CD320: variants seen among roughly 807,000 people sequenced by gnomAD.
CD320 encodes the protein CD320 antigen.
A neutral mutation model predicts 22.1 loss-of-function variants in CD320; 16 were observed. The ratio of observed to expected loss-of-function variants is 0.73; its 90% CI spans 0.49 to 1.10. CD320 has a LOEUF of 1.10. Ranked by LOEUF, CD320 falls within the 50% of genes least tolerant of loss-of-function variation. CD320 has a pLI of 0.00. For missense variants in CD320, 388 were observed against 376.9 expected (o/e 1.03, Z -0.24); for synonymous variants, 188 against 167.8 (o/e 1.12, Z -0.93).
chr19:8,305,196 C>T lies in CD320; in HGVS notation c.143-40G>A, dbSNP rs2232779. Reference sequence around the variant, plus strand: ...CAAATGAAGCCTGGGAAGCTGGAGGCTGGACCTTTCTCCAAGAGCACAGTA... The same window carrying T: ...CAAATGAAGCCTGGGAAGCTGGAGGTTGGACCTTTCTCCAAGAGCACAGTA... On this transcript the variant is annotated intron_variant, in intron 1 of 4. Transcript: ENST00000301458. 18,871 of 1,556,228 alleles carry T rather than the reference C, an allele frequency of 0.012. 1,398 individuals carry two copies. In the South Asian group the frequency reaches 0.15, roughly 13 times the overall value.
chr19:8,307,496 G>C (rs1204071584), intron 1 of CD320, among the ~76,000 whole-genome samples: 2 of 152,230 alleles, frequency 1.3e-5, no homozygotes, highest in African/African-American at 4.8e-5. Flanking sequence ...GAGTGCACAG[G>C]GAGGCCACTC....
chr19:8,304,959 G>A (rs940697420), intron 2 of CD320, 72 bp downstream of exon 2: 15 of 1,562,796 alleles, frequency 9.6e-6, no homozygotes, highest in African/African-American at 5.4e-5. Flanking sequence ...CCACCTCCGC[G>A]TGCCTGGCCC....
Position 8,302,871 on chromosome 19 carries a change from G to C in CD320, c.612C>G (p.Thr204=), listed in dbSNP as rs1199443694. The change falls in exon 4 of 5, where the codon ACC becomes ACG. Residue 204 remains threonine, a synonymous_variant. Transcript: ENST00000301458. ...RNATTMGPPV[T]LESVPSVGNA... is the part of the protein sequence containing the mutation. ...TCCCGACAGAGGGGACACTCTCCAG[G>C]GTCACAGGGGGCCCCATGGTTGTGG... 1 of 1,613,844 alleles carries C rather than the reference G, an allele frequency of 6.2e-7. No individual in the cohort carries two copies. Among genetic ancestry groups the C allele is most frequent in the Non-Finnish European group, 8.5e-7 (1 of 1,179,932 alleles).
chr19:8,306,118 C>A (rs988959074), intron 1 of CD320, among the ~76,000 whole-genome samples: 5 of 152,148 alleles, frequency 3.3e-5, no homozygotes, highest in Admixed American at 3.3e-4. Context: ...AGAGACTTGC[C>A]TTTCCCTCTC....
chr19:8,305,212 G>C, intron 1 of CD320, 56 bp from the exon 2 acceptor site: 1 of 1,546,084 alleles, frequency 6.5e-7, no homozygotes, highest in Non-Finnish European at 8.7e-7. Context: ...CTTTCTCCAA[G>C]AGCACAGTAG....
chr19:8,307,978 C>T (rs939868623), intron 1 of CD320, among the ~76,000 whole-genome samples, 171 bp downstream of exon 1: 1 of 152,226 alleles, frequency 6.6e-6, no homozygotes, highest in African/African-American at 2.4e-5. Flanking sequence ...AGCATGGGGT[C>T]TTCCTAGCAC....
chr19:8,307,755 A>G (rs1970114489), intron 1 of CD320, among the ~76,000 whole-genome samples: 1 of 152,032 alleles, frequency 6.6e-6, no homozygotes. Context: ...GAGGGTTTGG[A>G]AGGCAAAGGT....
At chr19:8,308,115 G>C (rs763269417) in intron 1 of CD320, 34 bp downstream of exon 1, 2 of 1,449,912 alleles carry the variant, frequency 1.4e-6, no homozygotes, top group Non-Finnish European at 1.8e-6. Context: ...AGCCTCGCGA[G>C]GGGTGGGAGC....
Position 8,302,600 on chromosome 19 carries a change from G to A in CD320, c.712C>T (p.Leu238Phe). ...GTGGCGGTGACCAGGCTTGCACTGAGCACCGCTGTGGGGAACAGATGGACA... is the reference window on the plus strand; with the variant it reads ...GTGGCGGTGACCAGGCTTGCACTGAACACCGCTGTGGGGAACAGATGGACA... ...AYGVIAAAAV[L>F]SASLVTATLL... The change falls in exon 5 of 5, where the codon CTC (leucine) becomes TTC (phenylalanine). Residue 238 changes from leucine (L) to phenylalanine (F), a missense_variant. By Grantham distance (22) the Leu-to-Phe change is conservative (BLOSUM62 0). Transcript: ENST00000301458. The A allele has an allele frequency of 6.2e-7, 1 of 1,613,606 alleles. No homozygotes were observed. Among genetic ancestry groups the A allele is most frequent in the South Asian group, 1.1e-5 (1 of 91,078 alleles).
In CD320 at chr19:8,304,027, G is replaced by A; in HGVS notation, c.330C>T (p.Cys110=). ...CPPPPGLPCP[C]TGVSDCSGGT... is the part of the protein sequence containing the mutation. ...CCCCAGAGCAGTCACTGACGCCGGT[G>A]CAGGGGCAGGGGAGGCCAGGGGGCG... Residue 110 remains cysteine, a synonymous_variant, in exon 3 of 5, where the codon TGC becomes TGT. Transcript: ENST00000301458. The A allele has an allele frequency of 6.4e-7, 1 of 1,563,644 alleles. No individual in the cohort carries two copies. Among genetic ancestry groups the A allele is most frequent in the Non-Finnish European group, 8.7e-7 (1 of 1,153,516 alleles).
intron 1 of CD320, 148 bp downstream of exon 1, chr19:8,308,001 T>C (rs1442895491): frequency 5.9e-6 from 5 of 854,188 alleles, no homozygotes; most frequent in Non-Finnish European, 8.4e-6. Context: ...GTGCGCGCCT[T>C]CCCACAAGCG....
chr19:8,305,015 G>A lies in CD320; in HGVS notation c.268+16C>T. On this transcript the variant is annotated intron_variant, in intron 2 of 4. Transcript: ENST00000301458. ...CCCGCCCCCTGTAAGCCCCGCCAAG[G>A]GGCGTGGCCACTCACTGCACTCCTC... The A allele has an allele frequency of 1.2e-6, 2 of 1,603,038 alleles. No individual in the cohort carries two copies. Among genetic ancestry groups the A allele is most frequent in the Non-Finnish European group, 1.7e-6 (2 of 1,179,458 alleles).
intron 2 of CD320, 53 bp from the exon 3 acceptor site, chr19:8,304,141 A>G: frequency 1.1e-6 from 1 of 910,320 alleles, no homozygotes; most frequent in African/African-American, 1.6e-5. Context: ...AGGCCCAGGT[A>G]CTCCCTGAAA....
At position 8,302,243 on chromosome 19, in the gene CD320, G is replaced by C; in HGVS notation, c.*220C>G. On this transcript the variant is annotated 3_prime_UTR_variant, in exon 5 of 5. Coordinates refer to ENST00000301458, the MANE Select transcript of CD320 (RefSeq NM_016579.4). ...GGGCCAGCCCCTCAGTTCTGGCTGT[G>C]GCAGGTTCCCCATCCTAGCTCCCCG... is the stretch of plus-strand genomic sequence containing the variant. 1.4e-6 allele frequency: 1 copy of C among 701,458 alleles called. No homozygotes were observed. The highest frequency in any genetic ancestry group is 2.6e-6 in the Non-Finnish European group (1 of 387,708). 43.5% of individuals were successfully genotyped at this position (701,458 alleles called of 1,614,324 possible).
At position 8,302,257 on chromosome 19, in the gene CD320, C is replaced by T. The variant is rs1422233167; in HGVS notation, c.*206G>A. On this transcript the variant is annotated 3_prime_UTR_variant, in exon 5 of 5. Transcript: ENST00000301458. ...GTTCTGGCTGTGGCAGGTTCCCCATCCTAGCTCCCCGGATCTCCATAGGGA... is the reference window on the plus strand; with the variant it reads ...GTTCTGGCTGTGGCAGGTTCCCCATTCTAGCTCCCCGGATCTCCATAGGGA... The T allele has an allele frequency of 2.2e-5, 16 of 725,280 alleles. No homozygotes were observed. Among genetic ancestry groups the T allele is most frequent in the Non-Finnish European group, 3.2e-5 (13 of 408,012 alleles). 44.9% of individuals were successfully genotyped at this position (725,280 alleles called of 1,614,324 possible).
intron 1 of CD320, chr19:8,305,598 C>T (rs754292835): frequency 3.2e-5 from 6 of 187,386 alleles, no homozygotes; most frequent in Admixed American, 5.4e-5. Context: ...GCCAGCTACT[C>T]GGGAGGCTGA....
intron 1 of CD320, among the ~76,000 whole-genome samples, chr19:8,306,559 T>G (rs773264223): frequency 6.6e-6 from 1 of 152,148 alleles, no homozygotes; most frequent in Non-Finnish European, 1.5e-5. Flanking sequence ...TGGCTTAGCT[T>G]CACTCTGCCA....
intron 2 of CD320, chr19:8,304,653 C>G (rs964209519): frequency 9.8e-5 from 25 of 254,972 alleles, no homozygotes; most frequent in Non-Finnish European, 1.9e-4. Context: ...CCCTCCCTCT[C>G]TCTTTCCTTC....
chr19:8,305,339 G>T, intron 1 of CD320, 183 bp from the exon 2 acceptor site: 1 of 665,060 alleles, frequency 1.5e-6, no homozygotes, highest in Non-Finnish European at 2.5e-6. Context: ...CAGTTCCTGG[G>T]CTCAAGAGCC....
Sources: allele counts gnomAD v4.1 joint callset (sites outside exome capture counted in the v4.1 genomes callset), GRCh38; gene constraint gnomAD v4.1.1; transcripts MANE v1.5; gene names NCBI Gene and HGNC (gene_info 2026-07-23, HGNC 2026-07-21).